RAB8B: variants seen among roughly 807,000 people sequenced by gnomAD.
RAB8B encodes RAB8B, member RAS oncogene family.
Under a neutral mutation model 32.0 loss-of-function variants are expected in RAB8B, and 11 were observed. The observed-to-expected ratio is 0.34, with a 90% CI of 0.22 to 0.57. RAB8B has a LOEUF of 0.57. Among genes scored for constraint, RAB8B ranks in the 20% least tolerant of loss-of-function variants. The probability of loss-of-function intolerance (pLI) is 0.86; values close to 1 mark genes in which losing one functional copy is unlikely to be tolerated. For synonymous variants in RAB8B, 103 were observed against 89.6 expected, an observed-to-expected ratio of 1.15 and a Z score of -0.85; for missense variants, 190 against 258.5, an observed-to-expected ratio of 0.73 and a Z score of 1.82.
chr15:63,237,806 C>G (rs185909856), intron 1 of RAB8B, among the ~76,000 whole-genome samples: 1 of 152,072 alleles, frequency 6.6e-6, no homozygotes, highest in South Asian at 2.1e-4. Context: ...GAAATATTTG[C>G]CCAATCCAAT....
At chr15:63,261,165 G>GA (rs2038200923) in intron 6 of RAB8B, among the ~76,000 whole-genome samples, 1 of 152,124 alleles carries the variant, frequency 6.6e-6, no homozygotes, top group Admixed American at 6.5e-5. Flanking sequence ...ACAGGTATAT[G>GA]AAAAAATTCC....
At chr15:63,209,127 G>T (rs975743262) in intron 1 of RAB8B, among the ~76,000 whole-genome samples, 6 of 151,876 alleles carry the variant, frequency 4.0e-5, no homozygotes, top group Non-Finnish European at 8.8e-5. Context: ...CTGAGCTCAC[G>T]CAATCTACCT....
chr15:63,190,851 G>T (rs1343168362), intron 1 of RAB8B, among the ~76,000 whole-genome samples: 1 of 152,146 alleles, frequency 6.6e-6, no homozygotes, highest in East Asian at 1.9e-4. Flanking sequence ...TTTTGCTTTG[G>T]TTCTAATTAT....
intron 1 of RAB8B, among the ~76,000 whole-genome samples, chr15:63,212,911 A>G (rs564736348): frequency 6.6e-6 from 1 of 152,256 alleles, no homozygotes; most frequent in African/African-American, 2.4e-5. Flanking sequence ...CCTTGCTTGC[A>G]TGCACATTTT....
chr15:63,250,631 T>A (rs1595748951), intron 3 of RAB8B, among the ~76,000 whole-genome samples: 1 of 152,166 alleles, frequency 6.6e-6, no homozygotes, highest in African/African-American at 2.4e-5. Context: ...GGGAGTGCAG[T>A]GGTGAGTAAG....
Position 63,229,780 on chromosome 15 carries a change from C to CAAAAAAAAAAAAAAAAAAAAAAAAAA in RAB8B, c.125-14971_125-14946dup. Among the ~76,000 whole-genome samples, 2 of 35,972 alleles carry CAAAAAAAAAAAAAAAAAAAAAAAAAA rather than the reference C, an allele frequency of 5.6e-5. 1 individual carries two copies. Among genetic ancestry groups the CAAAAAAAAAAAAAAAAAAAAAAAAAA allele is most frequent in the African/African-American group, 1.8e-4 (2 of 11,164 alleles). The allele number at this position is 35,972 out of a possible 152,430, so 23.6% of individuals were successfully genotyped here. ...TAGGTGACAGAGCAAGACGCTGTTT[C>CAAAAAAAAAAAAAAAAAAAAAAAAAA]AAAAAAAAAAAAAAAAAAAAAAAAA... On this transcript the variant is annotated intron_variant, in intron 1 of 7. Coordinates refer to ENST00000321437, the MANE Select transcript of RAB8B (RefSeq NM_016530.3).
intron 2 of RAB8B, among the ~76,000 whole-genome samples, chr15:63,245,353 G>C (rs1300056447): frequency 6.6e-6 from 1 of 152,088 alleles, no homozygotes; most frequent in Non-Finnish European, 1.5e-5. Context: ...TTATTAAATA[G>C]AAAAATGAAG....
chr15:63,243,068 A>T (rs1243362827), intron 1 of RAB8B, among the ~76,000 whole-genome samples: 1 of 152,268 alleles, frequency 6.6e-6, no homozygotes, highest in Non-Finnish European at 1.5e-5. Flanking sequence ...ACAGATCATC[A>T]GGCATTAGAT....
At chr15:63,262,628 TA>T (rs2038212331) in intron 6 of RAB8B, 63 bp from the exon 7 acceptor site, 3 of 323,338 alleles carry the variant, frequency 9.3e-6, no homozygotes, top group Non-Finnish European at 9.4e-6. Context: ...TATATGTGTA[TA>T]TATATATATA....
At chr15:63,210,832 A>G (rs2037741033) in intron 1 of RAB8B, among the ~76,000 whole-genome samples, 1 of 152,208 alleles carries the variant, frequency 6.6e-6, no homozygotes, top group Non-Finnish European at 1.5e-5. Context: ...CTGGTATGCA[A>G]ATAAAAGATG....
At position 63,224,148 on chromosome 15, in the gene RAB8B, A is replaced by G. The variant is rs148035610; in HGVS notation, c.125-20608A>G. On this transcript the variant is annotated intron_variant, in intron 1 of 7. Coordinates refer to ENST00000321437, the MANE Select transcript of RAB8B (RefSeq NM_016530.3). ...TTGTAGAACAGTCTGCCAGCTGGCC[A>G]TATTTTATTTTATTTATTTTTATCA... Among the ~76,000 whole-genome samples the G allele has an allele frequency of 2.4e-3, 372 of 152,350 alleles. 3 individuals carry two copies. The highest frequency in any genetic ancestry group is 7.6e-3 in the African/African-American group (317 of 41,588).
intron 1 of RAB8B, among the ~76,000 whole-genome samples, chr15:63,193,143 C>T (rs1429059000): frequency 1.3e-5 from 2 of 152,108 alleles, no homozygotes; most frequent in South Asian, 2.1e-4. Context: ...AGGAGGATAA[C>T]GTGAGCCCAG....
At chr15:63,231,201 A>G (rs2037933814) in intron 1 of RAB8B, among the ~76,000 whole-genome samples, 1 of 152,230 alleles carries the variant, frequency 6.6e-6, no homozygotes, top group African/African-American at 2.4e-5. Flanking sequence ...CTTTTTAAGA[A>G]TTCATTCTAA....
chr15:63,252,283 G>A (rs2038122713), intron 3 of RAB8B, among the ~76,000 whole-genome samples: 1 of 152,108 alleles, frequency 6.6e-6, no homozygotes, highest in Non-Finnish European at 1.5e-5. Flanking sequence ...TCCAAGCTAT[G>A]TCCCAGGCTC....
intron 1 of RAB8B, among the ~76,000 whole-genome samples, chr15:63,241,475 T>C (rs1196806618): frequency 6.6e-6 from 1 of 152,232 alleles, no homozygotes; most frequent in Non-Finnish European, 1.5e-5. Context: ...AAACATAATA[T>C]GTAAGTTACA....
chr15:63,209,895 C>T (rs2037733445), intron 1 of RAB8B, among the ~76,000 whole-genome samples: 1 of 151,906 alleles, frequency 6.6e-6, no homozygotes, highest in Admixed American at 6.6e-5. Flanking sequence ...TGCTCTGCCT[C>T]CCCTTGCCCC....
intron 1 of RAB8B, among the ~76,000 whole-genome samples, chr15:63,223,273 G>A (rs1328531225): frequency 1.3e-5 from 2 of 151,706 alleles, no homozygotes; most frequent in Non-Finnish European, 2.9e-5. Flanking sequence ...CACCATGCCC[G>A]GCTAATTTTT....
At chr15:63,219,672 C>T (rs1053274252) in intron 1 of RAB8B, among the ~76,000 whole-genome samples, 1 of 152,212 alleles carries the variant, frequency 6.6e-6, no homozygotes, top group African/African-American at 2.4e-5. Context: ...AAAGCCACTG[C>T]TGTGGGGCAG....
At chr15:63,249,542 C>T (rs1392174113) in intron 2 of RAB8B, 103 bp from the exon 3 acceptor site, 2 of 1,082,270 alleles carry the variant, frequency 1.8e-6, no homozygotes, top group Non-Finnish European at 2.7e-6. Context: ...TCTGTGACCA[C>T]TGCACCCTGA....
Sources: allele counts gnomAD v4.1 joint callset (sites outside exome capture counted in the v4.1 genomes callset), GRCh38; gene constraint gnomAD v4.1.1; transcripts MANE v1.5; gene names NCBI Gene and HGNC (gene_info 2026-07-23, HGNC 2026-07-21).